The following LUZP2 variants were observed in gnomAD, a reference collection of about 807,000 sequenced individuals.
The protein encoded by LUZP2 is leucine zipper protein 2.
A neutral mutation model predicts 51.6 loss-of-function variants in LUZP2; 52 were observed. The observed-to-expected ratio is 1.01, with a 90% CI of 0.81 to 1.27. The LOEUF (loss-of-function observed/expected upper bound fraction) is 1.27, where lower values mean the gene tolerates loss of function less well. Ranked by LOEUF, LUZP2 falls within the 50% of genes most tolerant of loss-of-function variation. LUZP2 has a pLI of 0.00. For synonymous variants in LUZP2, 154 were observed against 137.3 expected, an observed-to-expected ratio of 1.12 and a Z score of -0.85; for missense variants, 436 against 395.4, an observed-to-expected ratio of 1.10 and a Z score of -0.87.
At chr11:24,667,605 A>G (rs72882406) in intron 1 of LUZP2, among the ~76,000 whole-genome samples, 27,619 of 152,172 alleles carry the variant, frequency 0.18, 2,659 homozygotes, top group East Asian at 0.32. Context: ...TGTACATTCA[A>G]AGAGCTGATG....
intron 1 of LUZP2, among the ~76,000 whole-genome samples, chr11:24,618,001 C>A (rs1854348186): frequency 6.6e-6 from 1 of 152,116 alleles, no homozygotes. Context: ...CTTATTACTA[C>A]TGCCAGATAG....
intron 7 of LUZP2, among the ~76,000 whole-genome samples, chr11:24,939,872 T>C (rs1052338601): frequency 6.6e-6 from 1 of 152,194 alleles, no homozygotes; most frequent in African/African-American, 2.4e-5. Context: ...CTTGTAAATA[T>C]GGACATCACC....
At position 24,699,915 on chromosome 11, in the gene LUZP2, A is replaced by G. The variant is rs187294341; in HGVS notation, c.63-29254A>G. Among the ~76,000 whole-genome samples the G allele has an allele frequency of 1.2e-3, 188 of 151,612 alleles. 1 individual carries two copies. Among genetic ancestry groups the G allele is most frequent in the East Asian group, 3.7e-3 (19 of 5,150 alleles). Reference sequence around the variant, plus strand: ...ATATACAGAGTCTGTATGGAGTAAGAGCCAACAACAACAGAAGAGGGTAGG... The same window carrying G: ...ATATACAGAGTCTGTATGGAGTAAGGGCCAACAACAACAGAAGAGGGTAGG... On this transcript the variant is annotated intron_variant, in intron 1 of 11. Coordinates refer to ENST00000336930, the MANE Select transcript of LUZP2 (RefSeq NM_001009909.4).
At chr11:24,685,361 C>T (rs1006715479) in intron 1 of LUZP2, among the ~76,000 whole-genome samples, 4 of 152,120 alleles carry the variant, frequency 2.6e-5, no homozygotes, top group Admixed American at 2.0e-4. Context: ...GTCCTTAGCT[C>T]TTCATGATCT....
chr11:25,025,736 A>C (rs936323602), intron 9 of LUZP2, among the ~76,000 whole-genome samples: 1 of 152,142 alleles, frequency 6.6e-6, no homozygotes, highest in Non-Finnish European at 1.5e-5. Context: ...ACAGTGTGGC[A>C]ATTCCTCAGG....
intron 5 of LUZP2, among the ~76,000 whole-genome samples, chr11:24,805,605 C>T (rs548265205): frequency 3.3e-5 from 5 of 152,140 alleles, no homozygotes; most frequent in Non-Finnish European, 7.3e-5. Context: ...ATAAATGGTA[C>T]TGGAAGTTTT....
At chr11:24,894,640 T>G (rs1046687756) in intron 5 of LUZP2, among the ~76,000 whole-genome samples, 3 of 151,622 alleles carry the variant, frequency 2.0e-5, no homozygotes, top group African/African-American at 7.3e-5. Flanking sequence ...GTATCTATTA[T>G]CCTTATCTTT....
At chr11:25,017,835 T>C (rs1857200900) in intron 9 of LUZP2, among the ~76,000 whole-genome samples, 1 of 152,162 alleles carries the variant, frequency 6.6e-6, no homozygotes, top group Admixed American at 6.6e-5. Flanking sequence ...GGTAGATTGA[T>C]AGGAATTGCA....
chr11:24,660,514 A>G (rs1427948608), intron 1 of LUZP2, among the ~76,000 whole-genome samples: 1 of 152,112 alleles, frequency 6.6e-6, no homozygotes, highest in African/African-American at 2.4e-5. Flanking sequence ...TAATGATATA[A>G]TTTTTCTCCA....
intron 1 of LUZP2, among the ~76,000 whole-genome samples, chr11:24,575,575 G>T (rs1278397340): frequency 3.3e-5 from 5 of 151,958 alleles, no homozygotes; most frequent in African/African-American, 1.2e-4. Flanking sequence ...ATTGCTATGT[G>T]TTTTTTTCTT....
intron 9 of LUZP2, among the ~76,000 whole-genome samples, chr11:25,025,081 T>C (rs1001362775): frequency 6.6e-6 from 1 of 152,088 alleles, no homozygotes; most frequent in Non-Finnish European, 1.5e-5. Context: ...GCTGGGTAAA[T>C]TGCCTAGCCA....
chr11:24,674,786 C>T (rs190738250), intron 1 of LUZP2, among the ~76,000 whole-genome samples: 7 of 152,272 alleles, frequency 4.6e-5, no homozygotes, highest in African/African-American at 1.4e-4. Context: ...CTGCCTGCTC[C>T]CTGCGCATTT....
chr11:25,079,399 G>T lies in LUZP2; in HGVS notation c.*741G>T, dbSNP rs1016993020. On this transcript the variant is annotated 3_prime_UTR_variant, in exon 12 of 12. Coordinates refer to ENST00000336930, the MANE Select transcript of LUZP2 (RefSeq NM_001009909.4). ...ATAACCAAGTTTTCTGAAATACTTG[G>T]CAGGATTTTTGGTATGAAGTTGGGT... 6 of 152,092 alleles carry T rather than the reference G, an allele frequency of 3.9e-5. No individual in the cohort carries two copies. Among genetic ancestry groups the T allele is most frequent in the African/African-American group, 1.4e-4 (6 of 41,430 alleles). The allele number at this position is 152,092 out of a possible 1,614,324, so 9.4% of individuals were successfully genotyped here. A position where few individuals can be genotyped will look rare whatever the true frequency, so the allele number is the denominator to read the frequency against.
At chr11:24,878,027 T>C (rs1184280667) in intron 5 of LUZP2, among the ~76,000 whole-genome samples, 2 of 152,002 alleles carry the variant, frequency 1.3e-5, no homozygotes, top group African/African-American at 2.4e-5. Context: ...ACTTAGGTTG[T>C]AATTTATCTT....
intron 5 of LUZP2, among the ~76,000 whole-genome samples, chr11:24,789,520 G>A (rs953733934): frequency 1.5e-4 from 23 of 152,154 alleles, no homozygotes; most frequent in Non-Finnish European, 5.9e-5. Context: ...ATGGAGTCCT[G>A]ATTAAATCAT....
At chr11:24,560,860 T>C (rs185654520) in intron 1 of LUZP2, among the ~76,000 whole-genome samples, 68 of 152,274 alleles carry the variant, frequency 4.5e-4, no homozygotes, top group African/African-American at 1.6e-3. Flanking sequence ...TGCAGATTAA[T>C]TGGTTATTGA....
chr11:24,497,349 G>A (rs751825693), intron 1 of LUZP2, 44 bp downstream of exon 1: 3 of 1,432,082 alleles, frequency 2.1e-6, no homozygotes, highest in African/African-American at 2.9e-5. Context: ...GGGCGCTGCC[G>A]GGGCGAGGTT....
At chr11:24,515,770 C>T (rs1017125336) in intron 1 of LUZP2, among the ~76,000 whole-genome samples, 3 of 152,126 alleles carry the variant, frequency 2.0e-5, no homozygotes, top group African/African-American at 7.2e-5. Context: ...CAAGCACTGA[C>T]TAATATGTAT....
intron 9 of LUZP2, among the ~76,000 whole-genome samples, chr11:24,990,354 A>T (rs1279549536): frequency 6.6e-6 from 1 of 152,084 alleles, no homozygotes; most frequent in Non-Finnish European, 1.5e-5. Context: ...TGAATTTTAT[A>T]TGTAAAATTT....
Sources: gnomAD v4.1 joint callset for allele counts (sites outside exome capture counted in the v4.1 genomes callset) on GRCh38, gnomAD v4.1.1 for gene constraint, MANE v1.5 for transcripts, NCBI Gene and HGNC (gene_info 2026-07-23, HGNC 2026-07-21) for gene names.